The following CYP2C19 variants were observed in gnomAD, a reference collection of about 807,000 sequenced individuals.
CYP2C19 encodes cytochrome P450 family 2 subfamily C member 19.
In CYP2C19, 59 loss-of-function variants were observed where a neutral mutation model predicts 40.9. The ratio of observed to expected loss-of-function variants is 1.44; its 90% CI spans 1.17 to 1.79. The LOEUF is 1.79. Among genes scored for constraint, CYP2C19 ranks in the 40% most tolerant of loss-of-function variants. CYP2C19 has a pLI of 0.00. For missense variants in CYP2C19, 754 were observed against 596.9 expected (o/e 1.26, Z -2.74); for synonymous variants, 253 against 208.7 (o/e 1.21, Z -1.83).
Position 94,780,481 on chromosome 10 carries a change from T to C in CYP2C19, c.482-18T>C, listed in dbSNP as rs779814151. 6 of 1,612,130 alleles carry C rather than the reference T, an allele frequency of 3.7e-6. No homozygotes were observed. Among genetic ancestry groups the C allele is most frequent in the South Asian group, 1.1e-5 (1 of 90,856 alleles). ...TCTAATGTTTACTCATATTTTAAAA[T>C]TGTTTCCAATCATTTAGCTTCACCC... On this transcript the variant is annotated intron_variant, in intron 3 of 8. Transcript: ENST00000371321.
intron 7 of CYP2C19, among the ~76,000 whole-genome samples, chr10:94,847,130 G>T (rs934476607): frequency 5.3e-5 from 8 of 151,592 alleles, no homozygotes; most frequent in African/African-American, 1.7e-4. Context: ...ACAACGTGCA[G>T]GTTAGTTACA....
intron 5 of CYP2C19, among the ~76,000 whole-genome samples, chr10:94,818,012 C>CAAAAAA (rs71031597): frequency 5.2e-5 from 4 of 77,148 alleles, no homozygotes; most frequent in African/African-American, 1.0e-4. Context: ...GACTCCATCT[C>CAAAAAA]AAAAAAAAAA....
At chr10:94,795,285 A>C (rs1294155528) in intron 5 of CYP2C19, among the ~76,000 whole-genome samples, 1 of 151,636 alleles carries the variant, frequency 6.6e-6, no homozygotes, top group East Asian at 1.9e-4. Flanking sequence ...TAGTTTGCTG[A>C]GAATGATGGT....
chr10:94,802,674 A>G (rs2134254201), intron 5 of CYP2C19, among the ~76,000 whole-genome samples: 1 of 152,256 alleles, frequency 6.6e-6, no homozygotes, highest in Non-Finnish European at 1.5e-5. Flanking sequence ...GTTTCTTCAC[A>G]GAGTCAATGA....
At chr10:94,769,991 G>C (rs1377924686) in intron 1 of CYP2C19, among the ~76,000 whole-genome samples, 2 of 152,180 alleles carry the variant, frequency 1.3e-5, no homozygotes, top group Admixed American at 1.3e-4. Flanking sequence ...AATTACAACT[G>C]AGGAGGTGGG....
intron 6 of CYP2C19, among the ~76,000 whole-genome samples, chr10:94,829,812 G>T (rs1377592275): frequency 6.6e-6 from 1 of 151,316 alleles, no homozygotes; most frequent in Non-Finnish European, 1.5e-5. Flanking sequence ...TTTGATGATG[G>T]TGATGTGCAG....
At chr10:94,808,244 A>G (rs1435509156) in intron 5 of CYP2C19, among the ~76,000 whole-genome samples, 1 of 151,980 alleles carries the variant, frequency 6.6e-6, no homozygotes, top group Non-Finnish European at 1.5e-5. Context: ...TTAGGCCAGT[A>G]TAATGTTATT....
chr10:94,776,272 A>G (rs1848407462), intron 3 of CYP2C19: 1 of 152,172 alleles, frequency 6.6e-6, no homozygotes, highest in African/African-American at 2.4e-5. Context: ...AATTATTAGT[A>G]ATAACTGTAA....
intron 6 of CYP2C19, among the ~76,000 whole-genome samples, chr10:94,842,328 C>T (rs1368148985): frequency 6.8e-6 from 1 of 147,542 alleles, no homozygotes; most frequent in Non-Finnish European, 1.5e-5. Context: ...TTTTTTATTT[C>T]CTTTGGAATG....
chr10:94,808,151 T>G (rs1372140555), intron 5 of CYP2C19, among the ~76,000 whole-genome samples: 2 of 152,164 alleles, frequency 1.3e-5, no homozygotes, highest in Non-Finnish European at 2.9e-5. Flanking sequence ...ATGTTCTTGG[T>G]GCCTTGTCAA....
chr10:94,811,742 C>T (rs983207750), intron 5 of CYP2C19, among the ~76,000 whole-genome samples: 1 of 152,000 alleles, frequency 6.6e-6, no homozygotes, highest in Non-Finnish European at 1.5e-5. Flanking sequence ...AAATATTCCT[C>T]CATCCCTTTA....
At chr10:94,781,681 GT>G (rs1401999950) in intron 4 of CYP2C19, 139 bp from the exon 5 acceptor site, 1 of 353,770 alleles carries the variant, frequency 2.8e-6, no homozygotes, top group Non-Finnish European at 4.9e-6. Flanking sequence ...TACTACACAT[GT>G]ACAATAAAAA....
intron 6 of CYP2C19, among the ~76,000 whole-genome samples, chr10:94,835,858 G>T (rs1422388786): frequency 6.6e-6 from 1 of 152,154 alleles, no homozygotes; most frequent in African/African-American, 2.4e-5. Flanking sequence ...AGTTCCTGGT[G>T]TGAGGAGATT....
At chr10:94,816,827 T>C (rs1488312512) in intron 5 of CYP2C19, among the ~76,000 whole-genome samples, 1 of 149,140 alleles carries the variant, frequency 6.7e-6, no homozygotes, top group Non-Finnish European at 1.5e-5. Flanking sequence ...GAATATACGG[T>C]GTTTGGTTTT....
At chr10:94,778,361 G>A (rs1034375244) in intron 3 of CYP2C19, among the ~76,000 whole-genome samples, 2 of 152,082 alleles carry the variant, frequency 1.3e-5, no homozygotes, top group African/African-American at 4.8e-5. Flanking sequence ...ACTATGCAGA[G>A]CCTTCCGACC....
chr10:94,816,775 G>T (rs571433428), intron 5 of CYP2C19, among the ~76,000 whole-genome samples: 29 of 142,970 alleles, frequency 2.0e-4, no homozygotes, highest in African/African-American at 7.5e-4. Context: ...TCCCCTTCAT[G>T]TGTCCATGTG....
Position 94,830,500 on chromosome 10 carries a change from C to T in CYP2C19, c.961+9863C>T, listed in dbSNP as rs551458723. Among the ~76,000 whole-genome samples the T allele has an allele frequency of 8.3e-4, 127 of 152,308 alleles. 1 individual carries two copies. Among genetic ancestry groups the T allele is most frequent in the South Asian group, 3.5e-3 (17 of 4,822 alleles). On this transcript the variant is annotated intron_variant, in intron 6 of 8. Transcript: ENST00000371321. ...GCACTTCCCAAGTGAGGCAATGCCT[C>T]GCCCTGCTTCGGCTCCCGCAGGGTG...
chr10:94,782,317 A>T (rs1199155692), intron 5 of CYP2C19, among the ~76,000 whole-genome samples: 1 of 152,118 alleles, frequency 6.6e-6, no homozygotes, highest in African/African-American at 2.4e-5. Context: ...AAAAGAAAAT[A>T]AAAAACATCT....
intron 1 of CYP2C19, among the ~76,000 whole-genome samples, chr10:94,767,491 A>T (rs943154218): frequency 1.3e-5 from 2 of 152,182 alleles, no homozygotes; most frequent in Non-Finnish European, 2.9e-5. Flanking sequence ...ACAGACCAAC[A>T]AGTATTGAAA....
Sources: gnomAD v4.1 joint callset for allele counts (sites outside exome capture counted in the v4.1 genomes callset) on GRCh38, gnomAD v4.1.1 for gene constraint, MANE v1.5 for transcripts, NCBI Gene and HGNC (gene_info 2026-07-23, HGNC 2026-07-21) for gene names.